GRIA4: variants seen among roughly 807,000 people sequenced by gnomAD.
GRIA4 encodes the protein glutamate receptor 4.
GRIA4 carries 34 observed loss-of-function variants against 104.0 expected under a neutral mutation model. The observed-to-expected ratio is 0.33, with a 90% CI of 0.25 to 0.44. The LOEUF (loss-of-function observed/expected upper bound fraction) is 0.44. Among genes scored for constraint, GRIA4 ranks in the 20% least tolerant of loss-of-function variants. The pLI is 1.00. For missense variants in GRIA4, 750 were observed against 1,096.5 expected (o/e 0.68, Z 4.46); for synonymous variants, 386 against 381.9 (o/e 1.01, Z -0.13).
At chr11:105,773,532 T>C (rs1210703252) in intron 4 of GRIA4, among the ~76,000 whole-genome samples, 1 of 152,160 alleles carries the variant, frequency 6.6e-6, no homozygotes, top group Admixed American at 6.6e-5. Flanking sequence ...AGGAGTATCA[T>C]TAGAAGTAGC....
chr11:105,965,217 A>G (rs1948836870), intron 14 of GRIA4, among the ~76,000 whole-genome samples: 1 of 152,072 alleles, frequency 6.6e-6, no homozygotes, highest in South Asian at 2.1e-4. Flanking sequence ...TTGCAAAGTC[A>G]GTATCACATG....
chr11:105,633,796 T>C (rs533815091), intron 3 of GRIA4, among the ~76,000 whole-genome samples: 1 of 152,072 alleles, frequency 6.6e-6, no homozygotes, highest in East Asian at 1.9e-4. Flanking sequence ...TGACAACCAG[T>C]TTACTATTTA....
chr11:105,910,500 C>T lies in GRIA4; in HGVS notation c.1224C>T (p.Asp408=). The part of the protein sequence containing the change: ...LIQDVPTLGN[D]TAAIENRTVV... Reference sequence around the variant, plus strand: ...AAGATGTACCAACTCTTGGCAATGACACAGCTGCTATTGAGAACAGAACAG... The same window carrying T: ...AAGATGTACCAACTCTTGGCAATGATACAGCTGCTATTGAGAACAGAACAG... Residue 408 remains aspartate, a synonymous_variant, in exon 10 of 17, where the codon GAC becomes GAT. Coordinates refer to ENST00000282499, the MANE Select transcript of GRIA4 (RefSeq NM_000829.4). 1 of 1,599,508 alleles carries T rather than the reference C, an allele frequency of 6.3e-7. No homozygotes were observed. Among genetic ancestry groups the T allele is most frequent in the Non-Finnish European group, 8.6e-7 (1 of 1,166,814 alleles).
chr11:105,650,561 A>G (rs536488412), intron 3 of GRIA4, among the ~76,000 whole-genome samples: 1 of 152,322 alleles, frequency 6.6e-6, no homozygotes, highest in African/African-American at 2.4e-5. Flanking sequence ...TGAACACATC[A>G]AGACAAGGAA....
intron 3 of GRIA4, among the ~76,000 whole-genome samples, chr11:105,669,206 C>T (rs1054757713): frequency 2.1e-4 from 32 of 151,916 alleles, no homozygotes; most frequent in Middle Eastern, 3.4e-3. Context: ...TAATTTAGAC[C>T]GCAATTTTTT....
chr11:105,907,288 A>ATATGAAGTAT (rs1947073749), intron 9 of GRIA4, among the ~76,000 whole-genome samples: 2 of 152,222 alleles, frequency 1.3e-5, no homozygotes, highest in Admixed American at 1.3e-4. Flanking sequence ...CTTAAAAGAA[A>ATATGAAGTAT]TATGAAGTAT....
Position 105,903,855 on chromosome 11 carries a change from T to C in GRIA4, c.927T>C (p.Ala309=). Reference sequence around the variant, plus strand: ...CTTATGATGGAGTCCTTGTGATGGCTGAAACTTTCCGAAGTCTTAGGAGGC... The same window carrying C: ...CTTATGATGGAGTCCTTGTGATGGCCGAAACTTTCCGAAGTCTTAGGAGGC... The part of the protein sequence containing the change: ...ALTYDGVLVM[A]ETFRSLRRQK... Residue 309 remains alanine, a synonymous_variant, in exon 8 of 17, where the codon GCT becomes GCC. Coordinates refer to ENST00000282499, the MANE Select transcript of GRIA4 (RefSeq NM_000829.4). 1 of 1,611,948 alleles carries C rather than the reference T, an allele frequency of 6.2e-7. No homozygotes were observed. Among genetic ancestry groups the C allele is most frequent in the African/African-American group, 1.3e-5 (1 of 75,006 alleles).
intron 4 of GRIA4, among the ~76,000 whole-genome samples, chr11:105,779,196 T>C (rs989052364): frequency 6.6e-6 from 1 of 151,980 alleles, no homozygotes; most frequent in African/African-American, 2.4e-5. Flanking sequence ...TGTTGGACAT[T>C]TGGGTTGGTT....
chr11:105,784,460 T>C (rs1467472025), intron 4 of GRIA4, among the ~76,000 whole-genome samples: 1 of 152,186 alleles, frequency 6.6e-6, no homozygotes, highest in Non-Finnish European at 1.5e-5. Flanking sequence ...AGCATTTCAT[T>C]ATTATAACTG....
At chr11:105,871,293 C>T (rs575399113) in intron 5 of GRIA4, among the ~76,000 whole-genome samples, 27 of 151,978 alleles carry the variant, frequency 1.8e-4, no homozygotes, top group Admixed American at 9.2e-4. Flanking sequence ...TTTGTTTTGG[C>T]AATTTTAATA....
chr11:105,844,539 G>T (rs979123901), intron 4 of GRIA4, among the ~76,000 whole-genome samples: 2 of 152,146 alleles, frequency 1.3e-5, no homozygotes, highest in African/African-American at 2.4e-5. Flanking sequence ...TTTGCATTAA[G>T]AACAAACTAT....
chr11:105,752,569 T>A (rs1040094534), intron 3 of GRIA4, among the ~76,000 whole-genome samples: 8 of 152,306 alleles, frequency 5.3e-5, no homozygotes, highest in Non-Finnish European at 8.8e-5. Flanking sequence ...CTTCAATTAA[T>A]ACTCAAAAAT....
intron 4 of GRIA4, among the ~76,000 whole-genome samples, chr11:105,790,158 T>C (rs1942152693): frequency 1.3e-5 from 2 of 152,200 alleles, no homozygotes; most frequent in African/African-American, 4.8e-5. Flanking sequence ...TCCACCTGCA[T>C]TGGTAAGCAC....
intron 3 of GRIA4, among the ~76,000 whole-genome samples, chr11:105,654,208 G>A (rs1486011251): frequency 6.6e-6 from 1 of 151,700 alleles, no homozygotes. Flanking sequence ...GGCAGTGGTG[G>A]TGGGGCTGGA....
chr11:105,862,342 CTA>C, intron 5 of GRIA4, 134 bp downstream of exon 5: 1 of 613,444 alleles, frequency 1.6e-6, no homozygotes, highest in South Asian at 2.0e-5. Context: ...CATTCCATGA[CTA>C]TCTTCAGGAC....
chr11:105,653,999 CAAAAAAAAAAAAAA>C lies in GRIA4; in HGVS notation c.247+41580_247+41593del. On this transcript the variant is annotated intron_variant, in intron 3 of 16. Transcript: ENST00000282499. ...TATATGCAACGGAACACTATTTAGC[CAAAAAAAAAAAAAA>C]AAAAAAAAAAAAAAGAAAACAAAAA... Among the ~76,000 whole-genome samples the C allele has an allele frequency of 9.7e-4, 49 of 50,290 alleles. 1 individual carries two copies. The East Asian group carries it at 0.013, about 13-fold the overall frequency. The allele number at this position is 50,290 out of a possible 152,430, so 33.0% of individuals were successfully genotyped here.
chr11:105,694,122 T>C (rs1331315177), intron 3 of GRIA4, among the ~76,000 whole-genome samples: 1 of 151,656 alleles, frequency 6.6e-6, no homozygotes, highest in Non-Finnish European at 1.5e-5. Flanking sequence ...TTATATTTTC[T>C]AGTAATGCAT....
chr11:105,801,589 A>G (rs1176771559), intron 4 of GRIA4, among the ~76,000 whole-genome samples: 1 of 152,066 alleles, frequency 6.6e-6, no homozygotes, highest in Non-Finnish European at 1.5e-5. Flanking sequence ...GTTATTTTTA[A>G]TGAGAAAAAT....
chr11:105,781,648 T>C (rs1306608499), intron 4 of GRIA4, among the ~76,000 whole-genome samples: 1 of 152,144 alleles, frequency 6.6e-6, no homozygotes, highest in East Asian at 1.9e-4. Flanking sequence ...TGGTATTCGT[T>C]CAATTTATAG....
Sources: allele counts gnomAD v4.1 joint callset (sites outside exome capture counted in the v4.1 genomes callset), GRCh38; gene constraint gnomAD v4.1.1; transcripts MANE v1.5; gene names NCBI Gene and HGNC (gene_info 2026-07-23, HGNC 2026-07-21).